The following PCDHA1 variants were observed in gnomAD, a reference collection of about 807,000 sequenced individuals.
PCDHA1 encodes protocadherin alpha-1.
Under a neutral mutation model 61.3 loss-of-function variants are expected in PCDHA1, and 42 were observed. The observed-to-expected ratio is 0.69, with a 90% CI of 0.54 to 0.89. PCDHA1 has a LOEUF of 0.89. Ranked by LOEUF, PCDHA1 falls within the 40% of genes least tolerant of loss-of-function variation. The pLI is 0.00. For synonymous variants in PCDHA1, 610 were observed against 553.8 expected, an observed-to-expected ratio of 1.10 and a Z score of -1.43; for missense variants, 1,256 against 1,235.3, an observed-to-expected ratio of 1.02 and a Z score of -0.25.
At chr5:140,836,216 G>A in intron 1 of PCDHA1, 1 of 1,613,840 alleles carries the variant, frequency 6.2e-7, no homozygotes, top group Non-Finnish European at 8.5e-7. Flanking sequence ...CGTATGAGTT[G>A]CAACCGGTGG....
rs2150258663 is a variant in PCDHA1 at position 140,836,358 on chromosome 5, C to G, written c.2394+47674C>G. On this transcript the variant is annotated intron_variant, in intron 1 of 3. Coordinates refer to ENST00000504120, the MANE Select transcript of PCDHA1 (RefSeq NM_018900.4). ...TGTGAAGGACCACGGGGAGCCCTCGCTGACAGCCACAGCCACCGTGCTGGT... is the reference window on the plus strand; with the variant it reads ...TGTGAAGGACCACGGGGAGCCCTCGGTGACAGCCACAGCCACCGTGCTGGT... The G allele has an allele frequency of 3.9e-5, 63 of 1,613,690 alleles. No individual in the cohort carries two copies. The highest frequency in any genetic ancestry group is 3.3e-4 in the Middle Eastern group (2 of 6,062).
At chr5:140,913,144 A>T (rs1473490766) in intron 1 of PCDHA1, among the ~76,000 whole-genome samples, 4 of 152,180 alleles carry the variant, frequency 2.6e-5, no homozygotes, top group Non-Finnish European at 5.9e-5. Context: ...TTTTTGGAAT[A>T]GTTTGAGTAG....
At chr5:140,960,548 A>G (rs73793541) in intron 1 of PCDHA1, among the ~76,000 whole-genome samples, 2,047 of 152,290 alleles carry the variant, frequency 0.013, 37 homozygotes, top group African/African-American at 0.047. Context: ...TGGCCTTCAT[A>G]TAGACTGAGC....
intron 1 of PCDHA1, among the ~76,000 whole-genome samples, chr5:140,965,094 A>G (rs1289535686): frequency 6.6e-6 from 1 of 152,236 alleles, no homozygotes; most frequent in Non-Finnish European, 1.5e-5. Context: ...TCCAGTCCAT[A>G]GCTAGAAAAT....
At chr5:140,863,307 C>G in intron 1 of PCDHA1, 1 of 1,462,496 alleles carries the variant, frequency 6.8e-7, no homozygotes. Context: ...TCGCCATCTG[C>G]GTGGTGTCCA....
intron 1 of PCDHA1, chr5:140,875,488 C>G: frequency 3.7e-6 from 6 of 1,612,568 alleles, no homozygotes; most frequent in Non-Finnish European, 5.1e-6. Flanking sequence ...GATTATCGGA[C>G]CAAGAGGCCC....
At chr5:140,958,703 C>T (rs1302459806) in intron 1 of PCDHA1, among the ~76,000 whole-genome samples, 3 of 152,112 alleles carry the variant, frequency 2.0e-5, no homozygotes, top group Non-Finnish European at 4.4e-5. Flanking sequence ...AGAGTGACAA[C>T]TCTGTTATAA....
intron 1 of PCDHA1, chr5:140,876,221 T>C: frequency 1.2e-6 from 2 of 1,613,988 alleles, no homozygotes; most frequent in Non-Finnish European, 1.7e-6. Context: ...TATAAAGTAG[T>C]GTTGTCTGAA....
intron 1 of PCDHA1, chr5:140,804,998 A>G: frequency 6.5e-7 from 1 of 1,532,070 alleles, no homozygotes; most frequent in South Asian, 1.2e-5. Flanking sequence ...TATTTTAAAA[A>G]TTTAGTTCTG....
chr5:140,873,240 A>G (rs1008708021), intron 1 of PCDHA1, among the ~76,000 whole-genome samples: 10 of 152,226 alleles, frequency 6.6e-5, no homozygotes, highest in African/African-American at 2.4e-4. Context: ...ATAAAAATAT[A>G]AAATATTTCA....
At chr5:140,861,135 G>A (rs1182257816) in intron 1 of PCDHA1, 1 of 153,800 alleles carries the variant, frequency 6.5e-6, no homozygotes, top group East Asian at 1.9e-4. Context: ...AGACCACTTG[G>A]AACCTCAGGA....
chr5:140,989,085 C>T (rs1481898269), intron 3 of PCDHA1: 7 of 152,258 alleles, frequency 4.6e-5, no homozygotes, highest in Non-Finnish European at 7.4e-5. Context: ...CTCTGAAAAC[C>T]TTGTCAGGAG....
chr5:140,921,809 C>T (rs886599958), intron 1 of PCDHA1, among the ~76,000 whole-genome samples: 2 of 151,940 alleles, frequency 1.3e-5, no homozygotes, highest in African/African-American at 4.8e-5. Context: ...AGATAAGATA[C>T]ATGTGTGAAT....
intron 1 of PCDHA1, among the ~76,000 whole-genome samples, chr5:140,873,728 T>C (rs1208346643): frequency 6.6e-6 from 1 of 152,190 alleles, no homozygotes; most frequent in African/African-American, 2.4e-5. Flanking sequence ...TGGCGCAATC[T>C]CAGCTCACTG....
chr5:140,831,444 C>T (rs1029779683), intron 1 of PCDHA1, among the ~76,000 whole-genome samples: 11 of 151,230 alleles, frequency 7.3e-5, no homozygotes, highest in Admixed American at 1.3e-4. Context: ...ACTGCACCCT[C>T]GAATGCCTGG....
intron 1 of PCDHA1, among the ~76,000 whole-genome samples, chr5:140,911,441 T>C (rs2075476385): frequency 6.6e-6 from 1 of 152,154 alleles, no homozygotes. Context: ...TTTCCCGCAA[T>C]TTCAGCTCTT....
chr5:140,853,383 A>G lies in PCDHA1; in HGVS notation c.2394+64699A>G, dbSNP rs896759512. ...GGATCCAGAGATGGTAAAATTCAAA[A>G]CAGCCTGTCAAGTTCAAAACAGAGA... On this transcript the variant is annotated intron_variant, in intron 1 of 3. Transcript: ENST00000504120. The G allele has an allele frequency of 5.1e-6, 5 of 985,712 alleles. No individual in the cohort carries two copies. In the South Asian group the frequency reaches 2.4e-4, roughly 47 times the overall value. The allele number at this position is 985,712 out of a possible 1,614,324, so 61.1% of individuals were successfully genotyped here. A position where few individuals can be genotyped will look rare whatever the true frequency, so the allele number is the denominator to read the frequency against.
rs2126647218 is a variant in PCDHA1 at position 140,813,524 on chromosome 5, A to T, written c.2394+24840A>T. ...CAGTAAAAACATTGTACAGATTTTT[A>T]AAATGGTACACCTGAATAGGGTACT... On this transcript the variant is annotated intron_variant, in intron 1 of 3. Coordinates refer to ENST00000504120, the MANE Select transcript of PCDHA1 (RefSeq NM_018900.4). The T allele has an allele frequency of 4.6e-5, 7 of 152,318 alleles. No individual in the cohort carries two copies. In the East Asian group the frequency reaches 7.7e-4, roughly 17 times the overall value. The allele number at this position is 152,318 out of a possible 1,614,324, so 9.4% of individuals were successfully genotyped here.
rs2150210782 is a variant in PCDHA1, at chr5:140,833,751, A to AACAC, written c.2394+45080_2394+45083dup. Among the ~76,000 whole-genome samples the AACAC allele has an allele frequency of 5.0e-4, 75 of 151,354 alleles. 1 individual carries two copies. Among genetic ancestry groups the AACAC allele is most frequent in the Middle Eastern group, 3.4e-3 (1 of 294 alleles). ...AATGTTTCTTGCCTCCTAAAAAGAA[A>AACAC]ACACACACACACACACCGCTTTCTA... On this transcript the variant is annotated intron_variant, in intron 1 of 3. Coordinates refer to ENST00000504120, the MANE Select transcript of PCDHA1 (RefSeq NM_018900.4).
Sources: allele counts gnomAD v4.1 joint callset (sites outside exome capture counted in the v4.1 genomes callset), GRCh38; gene constraint gnomAD v4.1.1; transcripts MANE v1.5; gene names NCBI Gene and HGNC (gene_info 2026-07-23, HGNC 2026-07-21).